The following NLGN1 variants were observed in gnomAD, a reference collection of about 807,000 sequenced individuals.
NLGN1 encodes the protein neuroligin-1.
A neutral mutation model predicts 65.5 loss-of-function variants in NLGN1; 12 were observed. The ratio of observed to expected loss-of-function variants is 0.18; its 90% CI spans 0.12 to 0.30. NLGN1 has a LOEUF of 0.30. NLGN1 is among the 10% of genes least tolerant of loss of function. The probability of loss-of-function intolerance (pLI) is 1.00; values close to 1 mark genes in which losing one functional copy is unlikely to be tolerated. For synonymous variants in NLGN1, 350 were observed against 359.5 expected, an observed-to-expected ratio of 0.97 and a Z score of 0.30; for missense variants, 750 against 1,007.1, an observed-to-expected ratio of 0.74 and a Z score of 3.46.
At chr3:173,881,396 C>G (rs1189988844) in intron 4 of NLGN1, among the ~76,000 whole-genome samples, 2 of 147,830 alleles carry the variant, frequency 1.4e-5, no homozygotes, top group East Asian at 4.1e-4. Context: ...TGCGCCCAGC[C>G]AGGCTCCACT....
chr3:173,744,047 C>T (rs1443386115), intron 3 of NLGN1, among the ~76,000 whole-genome samples: 1 of 151,996 alleles, frequency 6.6e-6, no homozygotes, highest in Non-Finnish European at 1.5e-5. Context: ...ATTTCTGTTA[C>T]ATAAAGATAT....
chr3:173,406,638 A>G (rs1048539706), intron 1 of NLGN1, among the ~76,000 whole-genome samples: 4 of 151,554 alleles, frequency 2.6e-5, no homozygotes, highest in Non-Finnish European at 5.9e-5. Flanking sequence ...TGGACCAGTC[A>G]GATGCTACTA....
chr3:173,788,662 A>G (rs1711851819), intron 3 of NLGN1, among the ~76,000 whole-genome samples: 1 of 151,920 alleles, frequency 6.6e-6, no homozygotes, highest in African/African-American at 2.4e-5. Context: ...CAAAATCAAG[A>G]AATCTTACTC....
At position 173,876,806 on chromosome 3, in the gene NLGN1, AAAAT is replaced by A. The variant is rs559155604; in HGVS notation, c.646+68980_646+68983del. On this transcript the variant is annotated intron_variant, in intron 4 of 6. Coordinates refer to ENST00000457714, the Ensembl canonical transcript of NLGN1. ...AAATTTTGGATTAAACTCAAAAACT[AAAAT>A]AAATATCTATGAATACATACTGACA... Among the ~76,000 whole-genome samples, 112 of 152,306 alleles carry A rather than the reference AAAAT, an allele frequency of 7.4e-4. 1 individual carries two copies. The highest frequency in any genetic ancestry group is 2.7e-3 in the African/African-American group (111 of 41,578).
intron 2 of NLGN1, among the ~76,000 whole-genome samples, chr3:173,578,343 G>T (rs1163308823): frequency 3.9e-5 from 6 of 152,014 alleles, no homozygotes; most frequent in Non-Finnish European, 8.8e-5. Context: ...TGCTCATTAA[G>T]TTGCTAATTG....
rs141497142 is a variant in NLGN1, at chr3:173,661,156, T to C, written c.493+56065T>C. ...CTAATGAAAGAAATATGTAGATGGA[T>C]AGGATCAAAGGAATTCAAAGTAGAG... On this transcript the variant is annotated intron_variant, in intron 3 of 6. Coordinates refer to ENST00000457714, the Ensembl canonical transcript of NLGN1. 3.0e-3 allele frequency among the ~76,000 whole-genome samples: 451 copies of C among 152,114 alleles called. 5 individuals carry two copies. Among genetic ancestry groups the C allele is most frequent in the African/African-American group, 0.01 (431 of 41,548 alleles).
intron 4 of NLGN1, among the ~76,000 whole-genome samples, chr3:173,935,618 A>ACACACACACT (rs1744908587): frequency 8.5e-6 from 1 of 117,024 alleles, no homozygotes; most frequent in South Asian, 2.8e-4. Flanking sequence ...ACACACACAC[A>ACACACACACT]CACACTCTCT....
intron 3 of NLGN1, among the ~76,000 whole-genome samples, chr3:173,785,308 T>G (rs887101127): frequency 1.3e-5 from 2 of 152,200 alleles, no homozygotes; most frequent in Non-Finnish European, 2.9e-5. Flanking sequence ...TCTCTTACTC[T>G]TTAGCATTTA....
intron 3 of NLGN1, among the ~76,000 whole-genome samples, chr3:173,677,285 T>C (rs1391505790): frequency 6.6e-6 from 1 of 152,002 alleles, no homozygotes; most frequent in Non-Finnish European, 1.5e-5. Flanking sequence ...CCAAAGGTAG[T>C]ACCGTCTTGC....
At chr3:173,830,016 G>C (rs1040421695) in intron 4 of NLGN1, among the ~76,000 whole-genome samples, 15 of 142,636 alleles carry the variant, frequency 1.1e-4, no homozygotes, top group South Asian at 2.2e-4. Flanking sequence ...GTGGGGGGGG[G>C]AGGGAGAGAA....
chr3:174,106,111 A>G (rs539933836), intron 4 of NLGN1, among the ~76,000 whole-genome samples: 2 of 152,320 alleles, frequency 1.3e-5, no homozygotes, highest in Non-Finnish European at 2.9e-5. Context: ...GAAGTTCAAA[A>G]AAGTTAAATC....
At chr3:173,471,115 G>A (rs1725247706) in intron 2 of NLGN1, among the ~76,000 whole-genome samples, 1 of 152,090 alleles carries the variant, frequency 6.6e-6, no homozygotes, top group South Asian at 2.1e-4. Context: ...CATCCTTACA[G>A]CAAATTTATT....
intron 4 of NLGN1, among the ~76,000 whole-genome samples, chr3:174,119,132 A>G (rs1034923751): frequency 2.6e-5 from 4 of 152,194 alleles, no homozygotes; most frequent in Non-Finnish European, 5.9e-5. Flanking sequence ...CTCAAATAAT[A>G]GTAAGTTTAG....
At chr3:173,674,789 G>A (rs1467212080) in intron 3 of NLGN1, among the ~76,000 whole-genome samples, 1 of 152,010 alleles carries the variant, frequency 6.6e-6, no homozygotes, top group Non-Finnish European at 1.5e-5. Flanking sequence ...TGGTGAGAGA[G>A]CTTAGAGAGT....
intron 4 of NLGN1, among the ~76,000 whole-genome samples, chr3:174,122,283 T>C (rs191825501): frequency 6.6e-6 from 1 of 152,300 alleles, no homozygotes; most frequent in Non-Finnish European, 1.5e-5. Flanking sequence ...GAGATCAACA[T>C]TTTTTCACAT....
intron 4 of NLGN1, among the ~76,000 whole-genome samples, chr3:174,011,902 A>G (rs565422698): frequency 7.2e-5 from 11 of 152,312 alleles, no homozygotes; most frequent in Non-Finnish European, 1.2e-4. Flanking sequence ...GTGCCATTCT[A>G]TGGTATAAAG....
At chr3:173,911,479 G>A (rs1003811479) in intron 4 of NLGN1, among the ~76,000 whole-genome samples, 1 of 152,116 alleles carries the variant, frequency 6.6e-6, no homozygotes, top group Non-Finnish European at 1.5e-5. Context: ...TTCAATATAT[G>A]TAAATGTTAG....
intron 4 of NLGN1, among the ~76,000 whole-genome samples, chr3:173,820,770 TGTGA>T (rs1720132788): frequency 6.6e-6 from 1 of 152,156 alleles, no homozygotes; most frequent in African/African-American, 2.4e-5. Context: ...AGAGTAAAAC[TGTGA>T]GTGAGGGAAG....
chr3:174,053,066 T>TA (rs1951527337), intron 4 of NLGN1, among the ~76,000 whole-genome samples: 1 of 151,958 alleles, frequency 6.6e-6, no homozygotes, highest in African/African-American at 2.4e-5. Context: ...GGACTTTACT[T>TA]AGAGTTATCA....
Sources: gnomAD v4.1 joint callset for allele counts (sites outside exome capture counted in the v4.1 genomes callset) on GRCh38, gnomAD v4.1.1 for gene constraint, MANE v1.5 for transcripts, NCBI Gene and HGNC (gene_info 2026-07-23, HGNC 2026-07-21) for gene names.